The following INPP5B variants were observed in gnomAD, a reference collection of about 807,000 sequenced individuals.
The protein encoded by INPP5B is inositol polyphosphate-5-phosphatase B, also known as type II inositol 1,4,5-trisphosphate 5-phosphatase.
INPP5B carries 90 observed loss-of-function variants against 118.5 expected under a neutral mutation model. That is an observed-to-expected ratio of 0.76 (90% CI 0.64 to 0.90). The LOEUF (loss-of-function observed/expected upper bound fraction) is 0.90, where lower values mean the gene tolerates loss of function less well. Among genes scored for constraint, INPP5B ranks in the 40% least tolerant of loss-of-function variants. The pLI is 0.00. For synonymous variants in INPP5B, 385 were observed against 418.9 expected (o/e 0.92, Z 0.99); for missense variants, 984 against 1,125.6 (o/e 0.87, Z 1.80).
Position 37,945,736 on chromosome 1 carries a change from G to C in INPP5B, c.152+20C>G. The C allele has an allele frequency of 6.3e-7, 1 of 1,596,476 alleles. No homozygotes were observed. The highest frequency in any genetic ancestry group is 8.6e-7 in the Non-Finnish European group (1 of 1,164,892). The stretch of plus-strand genomic sequence containing the variant: ...ACAACCCCATGGCCCAGACAGGTGG[G>C]GACCAAGCCCCTCACTCACGCGTGT... On this transcript the variant is annotated intron_variant, in intron 3 of 23. Transcript: ENST00000373024.
At chr1:37,896,976 G>GT (rs1261354123) in intron 7 of INPP5B, among the ~76,000 whole-genome samples, 3 of 118,968 alleles carry the variant, frequency 2.5e-5, no homozygotes, top group South Asian at 2.9e-4. Flanking sequence ...CGTCCGGGAG[G>GT]GAGGTGGGGG....
At chr1:37,892,637 G>GA (rs1452653896) in intron 7 of INPP5B, among the ~76,000 whole-genome samples, 1 of 151,958 alleles carries the variant, frequency 6.6e-6, no homozygotes, top group African/African-American at 2.4e-5. Flanking sequence ...ACATGAACCA[G>GA]AAAAAAACTT....
At position 37,889,947 on chromosome 1, in the gene INPP5B, T is replaced by C. The variant is rs1643746653; in HGVS notation, c.630-223A>G. 3.3e-5 allele frequency among the ~76,000 whole-genome samples: 5 copies of C among 152,210 alleles called. No individual in the cohort carries two copies. In the South Asian group the frequency reaches 1.0e-3, roughly 31 times the overall value. ...GTTGGTCTGGAGATTTTCCTAATAA[T>C]AGAGTCACAGAATCTCAGACCAGAG... On this transcript the variant is annotated intron_variant, in intron 8 of 23. Coordinates refer to ENST00000373024, the MANE Select transcript of INPP5B (RefSeq NM_005540.3).
chr1:37,934,843 C>G (rs1050264635), intron 6 of INPP5B, among the ~76,000 whole-genome samples: 11 of 152,096 alleles, frequency 7.2e-5, no homozygotes, highest in Non-Finnish European at 1.5e-5. Flanking sequence ...ACCTCTGCTC[C>G]TGCAGTCAAC....
chr1:37,866,404 TCTCACA>T (rs1318717911), intron 21 of INPP5B, 49 bp downstream of exon 21: 87 of 367,276 alleles, frequency 2.4e-4, no homozygotes, highest in Admixed American at 8.2e-4. Context: ...TCTCTCTCTC[TCTCACA>T]CACACACACA....
chr1:37,902,681 CTGAG>C (rs1198748205), intron 7 of INPP5B, among the ~76,000 whole-genome samples: 1 of 152,158 alleles, frequency 6.6e-6, no homozygotes, highest in Non-Finnish European at 1.5e-5. Context: ...CCTCAGCCTC[CTGAG>C]TATCTGGGAT....
chr1:37,872,017 T>C (rs950147100), intron 19 of INPP5B, among the ~76,000 whole-genome samples: 2 of 139,266 alleles, frequency 1.4e-5, no homozygotes, highest in Admixed American at 7.7e-5. Context: ...TAAGCTGAGA[T>C]TGAGCCACCG....
At chr1:37,920,956 A>C (rs76150065) in intron 7 of INPP5B, among the ~76,000 whole-genome samples, 13,812 of 152,054 alleles carry the variant, frequency 0.091, 805 homozygotes, top group Middle Eastern at 0.23. Flanking sequence ...AATTCAAAAA[A>C]TCAGGCGGGC....
rs560062270 is a variant in INPP5B, at chr1:37,909,633, C to T, written c.533-18179G>A. 2.0e-4 allele frequency among the ~76,000 whole-genome samples: 30 copies of T among 152,294 alleles called. No homozygotes were observed. In the East Asian group the frequency reaches 4.8e-3, roughly 24 times the overall value. On this transcript the variant is annotated intron_variant, in intron 7 of 23. Coordinates refer to ENST00000373024, the MANE Select transcript of INPP5B (RefSeq NM_005540.3). ...TTGGCAACAACCCTTAGATGCTTTA[C>T]CGCCCTAGACCCAGAGGGGCCAGAA...
chr1:37,866,206 G>A (rs1642019588), intron 21 of INPP5B, among the ~76,000 whole-genome samples: 2 of 152,186 alleles, frequency 1.3e-5, no homozygotes, highest in African/African-American at 4.8e-5. Context: ...GGAGGCTGAG[G>A]TGGGAGGCTC....
Position 37,932,005 on chromosome 1 carries a change from T to TA in INPP5B, c.439dup (p.Tyr147LeufsTer2). 1 of 1,609,286 alleles carries TA rather than the reference T, an allele frequency of 6.2e-7. No homozygotes were observed. The highest frequency in any genetic ancestry group is 1.1e-5 in the South Asian group (1 of 90,984). ...CTCCAGCTCCAGCTCTGCGCACCTA[T>TA]ACCGAGACAGCCACAGGAATTCAGG... On this transcript the variant is annotated frameshift_variant, in exon 7 of 24. Transcript: ENST00000373024. LOFTEE classifies it high-confidence loss of function.
intron 7 of INPP5B, among the ~76,000 whole-genome samples, chr1:37,916,053 C>T (rs141429270): frequency 7.0e-4 from 106 of 152,010 alleles, no homozygotes; most frequent in African/African-American, 2.0e-3. Context: ...TTTTAACATC[C>T]GGTAGCCAGG....
At chr1:37,941,799 A>G (rs28564506) in intron 5 of INPP5B, among the ~76,000 whole-genome samples, 65,632 of 128,114 alleles carry the variant, frequency 0.51, 17,950 homozygotes, top group Non-Finnish European at 0.66. Context: ...TTAGCCGGGC[A>G]TGGTAGCGGG....
chr1:37,912,672 C>T (rs1217486515), intron 7 of INPP5B, among the ~76,000 whole-genome samples: 1 of 152,176 alleles, frequency 6.6e-6, no homozygotes, highest in Admixed American at 6.5e-5. Context: ...CCCCAATCCG[C>T]CACTCTTGAC....
intron 20 of INPP5B, among the ~76,000 whole-genome samples, chr1:37,867,950 A>C (rs1280677231): frequency 6.6e-6 from 1 of 152,180 alleles, no homozygotes; most frequent in Non-Finnish European, 1.5e-5. Context: ...GGGGGACCCC[A>C]GAGGCCATGG....
At chr1:37,932,363 C>CTTTTTTTTTTTTTT (rs58150703) in intron 6 of INPP5B, among the ~76,000 whole-genome samples, 1 of 87,808 alleles carries the variant, frequency 1.1e-5, no homozygotes, top group Non-Finnish European at 2.2e-5. Flanking sequence ...CTTTTCTTTT[C>CTTTTTTTTTTTTTT]TTTTTTTTTT....
intron 7 of INPP5B, among the ~76,000 whole-genome samples, chr1:37,911,396 T>A (rs1421489328): frequency 6.6e-6 from 1 of 152,166 alleles, no homozygotes; most frequent in East Asian, 1.9e-4. Flanking sequence ...CATGACTGTA[T>A]CTCTCTGATC....
intron 7 of INPP5B, among the ~76,000 whole-genome samples, chr1:37,915,298 A>G (rs764909883): frequency 6.6e-6 from 1 of 152,238 alleles, no homozygotes; most frequent in Non-Finnish European, 1.5e-5. Flanking sequence ...TACCTGTATC[A>G]AATACTACAT....
intron 19 of INPP5B, among the ~76,000 whole-genome samples, chr1:37,870,512 T>C (rs1642349062): frequency 1.3e-5 from 2 of 152,136 alleles, no homozygotes; most frequent in Admixed American, 6.6e-5. Context: ...TACTAGGAGG[T>C]AGGGCCTTTG....
Sources: gnomAD v4.1 joint callset for allele counts (sites outside exome capture counted in the v4.1 genomes callset) on GRCh38, gnomAD v4.1.1 for gene constraint, MANE v1.5 for transcripts, NCBI Gene and HGNC (gene_info 2026-07-23, HGNC 2026-07-21) for gene names.